Variants in SLC25A20 observed in about 807,000 individuals in gnomAD.
The protein encoded by SLC25A20 is solute carrier family 25 member 20.
A neutral mutation model predicts 39.7 loss-of-function variants in SLC25A20; 29 were observed. That is an observed-to-expected ratio of 0.73 (90% CI 0.54 to 1.00). The LOEUF (loss-of-function observed/expected upper bound fraction) is 1.00. Ranked by LOEUF, SLC25A20 falls within the 50% of genes least tolerant of loss-of-function variation. The pLI, the probability that SLC25A20 is intolerant of heterozygous loss-of-function variation, is 0.00. For synonymous variants in SLC25A20, 103 were observed against 142.2 expected (o/e 0.72, Z 1.96); for missense variants, 333 against 379.9 (o/e 0.88, Z 1.03).
intron 1 of SLC25A20, among the ~76,000 whole-genome samples, chr3:48,892,942 G>A (rs2106666621): frequency 6.6e-6 from 1 of 152,206 alleles, no homozygotes; most frequent in African/African-American, 2.4e-5. Flanking sequence ...GTTTTGCAAA[G>A]TGGCTGCACC....
chr3:48,885,819 T>A (rs2083825393), intron 2 of SLC25A20, among the ~76,000 whole-genome samples: 1 of 151,570 alleles, frequency 6.6e-6, no homozygotes, highest in Non-Finnish European at 1.5e-5. Flanking sequence ...AAAACTAAAC[T>A]AAAACAAAAA....
In SLC25A20 at chr3:48,884,064, C is replaced by A; in HGVS notation, c.259G>T (p.Ala87Ser). The A allele has an allele frequency of 6.2e-7, 1 of 1,614,020 alleles. No individual in the cohort carries two copies. The highest frequency in any genetic ancestry group is 1.1e-5 in the South Asian group (1 of 91,080). The change falls in exon 3 of 9, where the codon GCC (alanine) becomes TCC (serine). Residue 87 changes from alanine (A) to serine (S), a missense_variant. Ala to Ser is a moderately conservative substitution (Grantham distance 99). Coordinates refer to ENST00000319017, the MANE Select transcript of SLC25A20 (RefSeq NM_000387.6). ...AAACCAAACCCAAAGAAGCACACGG[C>A]AAACATGGGAGTGACCCCGATGATA... ...APIIGVTPMF[A>S]VCFFGFGLGK...
chr3:48,860,490 A>C (rs1470996585), intron 5 of SLC25A20, among the ~76,000 whole-genome samples: 5 of 151,774 alleles, frequency 3.3e-5, no homozygotes, highest in African/African-American at 1.2e-4. Flanking sequence ...CTGTAGTCCC[A>C]GCTACTCAGG....
In SLC25A20 at chr3:48,857,428, T is replaced by C. The variant is rs1230687740; in HGVS notation, c.*282A>G. The C allele has an allele frequency of 2.2e-6, 1 of 444,910 alleles. No homozygotes were observed. Among genetic ancestry groups the C allele is most frequent in the African/African-American group, 2.0e-5 (1 of 50,052 alleles). The allele number at this position is 444,910 out of a possible 1,614,324, so 27.6% of individuals were successfully genotyped here. On this transcript the variant is annotated 3_prime_UTR_variant, in exon 9 of 9. Coordinates refer to ENST00000319017, the MANE Select transcript of SLC25A20 (RefSeq NM_000387.6). ...AGCAGTTAACTGGTAGGCAGCATTC[T>C]TGCCACAGGTAGTATCTGGTCTGGA...
intron 4 of SLC25A20, among the ~76,000 whole-genome samples, chr3:48,872,255 C>T (rs781156819): frequency 6.6e-6 from 1 of 151,680 alleles, no homozygotes; most frequent in Non-Finnish European, 1.5e-5. Flanking sequence ...CTCAACCTCC[C>T]GAGTAACTGG....
rs74266012 is a variant in SLC25A20, at chr3:48,884,893, T to TA, written c.199-770dup. 2.4e-3 allele frequency among the ~76,000 whole-genome samples: 236 copies of TA among 99,346 alleles called. 1 individual carries two copies. Among genetic ancestry groups the TA allele is most frequent in the East Asian group, 7.6e-3 (27 of 3,536 alleles). The allele number at this position is 99,346 out of a possible 152,430, so 65.2% of individuals were successfully genotyped here. ...TATAACATGAGAAGAGATTATTAAGTAAAAAAAAAAAAAAAAGCTACAAAA... is the reference window on the plus strand; with the variant it reads ...TATAACATGAGAAGAGATTATTAAGTAAAAAAAAAAAAAAAAAGCTACAAAA... On this transcript the variant is annotated intron_variant, in intron 2 of 8. Coordinates refer to ENST00000319017, the MANE Select transcript of SLC25A20 (RefSeq NM_000387.6).
intron 3 of SLC25A20, 111 bp downstream of exon 3, chr3:48,883,886 A>G (rs1441372740): frequency 1.5e-6 from 2 of 1,346,126 alleles, no homozygotes; most frequent in Non-Finnish European, 2.1e-6. Flanking sequence ...AGTCTCCCAA[A>G]GTGCTAGGAT....
At chr3:48,866,018 C>A (rs2083665449) in intron 4 of SLC25A20, among the ~76,000 whole-genome samples, 1 of 151,896 alleles carries the variant, frequency 6.6e-6, no homozygotes, top group Non-Finnish European at 1.5e-5. Context: ...CCTGTAATCC[C>A]AGCTACTCGG....
chr3:48,877,901 T>C (rs1035352002), intron 4 of SLC25A20, among the ~76,000 whole-genome samples: 4 of 152,140 alleles, frequency 2.6e-5, no homozygotes, highest in Admixed American at 2.6e-4. Flanking sequence ...GTTACACTTG[T>C]GACATTTTTG....
At chr3:48,878,922 G>T (rs2083780990) in intron 4 of SLC25A20, among the ~76,000 whole-genome samples, 1 of 151,936 alleles carries the variant, frequency 6.6e-6, no homozygotes, top group African/African-American at 2.4e-5. Context: ...TGCCCAGGCT[G>T]CAGTGCAGTG....
chr3:48,888,568 T>A (rs1157683409), intron 2 of SLC25A20, among the ~76,000 whole-genome samples: 1 of 120,982 alleles, frequency 8.3e-6, no homozygotes, highest in Non-Finnish European at 1.8e-5. Context: ...GACTCTTGTC[T>A]CAAAATAAAT....
intron 2 of SLC25A20, among the ~76,000 whole-genome samples, chr3:48,884,993 G>T (rs978458047): frequency 1.2e-4 from 18 of 152,058 alleles, no homozygotes; most frequent in African/African-American, 4.1e-4. Flanking sequence ...TATTTTCCAG[G>T]TATTAAGATG....
chr3:48,894,183 TTCTCTCTCTCTCTCTC>T (rs375593797), intron 1 of SLC25A20, among the ~76,000 whole-genome samples: 2 of 110,274 alleles, frequency 1.8e-5, no homozygotes, highest in South Asian at 3.4e-4. Context: ...AAGAAGAAGA[TTCTCTCTCTCTCTCTC>T]TCTCTCTCTC....
intron 1 of SLC25A20, chr3:48,895,746 C>G (rs1446683801): frequency 2.2e-6 from 1 of 456,420 alleles, no homozygotes; most frequent in Admixed American, 2.4e-5. Flanking sequence ...TGCCCAGAGG[C>G]CACCATACCT....
chr3:48,895,084 C>T (rs1575994336), intron 1 of SLC25A20, among the ~76,000 whole-genome samples: 1 of 152,214 alleles, frequency 6.6e-6, no homozygotes. Context: ...TCTGGGCTCA[C>T]CGCAACCTCT....
chr3:48,884,174 T>C (rs757480786), intron 2 of SLC25A20, 50 bp from the exon 3 acceptor site: 6 of 1,609,862 alleles, frequency 3.7e-6, no homozygotes, highest in Non-Finnish European at 4.2e-6. Flanking sequence ...CACCACCTTT[T>C]AAATCACTGA....
At position 48,887,906 on chromosome 3, in the gene SLC25A20, AAAG is replaced by A. The variant is rs532193219; in HGVS notation, c.199-3785_199-3783del. Among the ~76,000 whole-genome samples, 57 of 151,948 alleles carry A rather than the reference AAAG, an allele frequency of 3.8e-4. 1 individual carries two copies. The South Asian group carries it at 7.1e-3, about 19-fold the overall frequency. On this transcript the variant is annotated intron_variant, in intron 2 of 8. Transcript: ENST00000319017. ...TGACAGAATGAGACTCCATAAAAAAAAAGAAGAAGAAGAAAGGGCAGGCCAGGC... is the reference window on the plus strand; with the variant it reads ...TGACAGAATGAGACTCCATAAAAAAAAAGAAGAAGAAAGGGCAGGCCAGGC...
chr3:48,863,738 C>T (rs112837572), intron 4 of SLC25A20, among the ~76,000 whole-genome samples: 10,720 of 152,228 alleles, frequency 0.07, 522 homozygotes, highest in Middle Eastern at 0.11. Flanking sequence ...TAGAAAAGGC[C>T]GGGCACGGTG....
In SLC25A20 at chr3:48,877,784, A is replaced by G. The variant is rs2083769621; in HGVS notation, c.417+1574T>C. The stretch of plus-strand genomic sequence containing the variant: ...GAGAAAGAAAAAAAAGAAAGACATG[A>G]CATCTCAGGCAGAAGCAGCCTCCGT... On this transcript the variant is annotated intron_variant, in intron 4 of 8. Transcript: ENST00000319017. Among the ~76,000 whole-genome samples, 2 of 152,194 alleles carry G rather than the reference A, an allele frequency of 1.3e-5. 1 individual carries two copies.
Sources: gnomAD v4.1 joint callset for allele counts (sites outside exome capture counted in the v4.1 genomes callset) on GRCh38, gnomAD v4.1.1 for gene constraint, MANE v1.5 for transcripts, NCBI Gene and HGNC (gene_info 2026-07-23, HGNC 2026-07-21) for gene names.